C5: variants seen among roughly 807,000 people sequenced by gnomAD.
C5 encodes the protein complement C5, also known as C3 and PZP-like alpha-2-macroglobulin domain-containing protein 4.
In C5, 140 loss-of-function variants were observed where a neutral mutation model predicts 218.8. That is an observed-to-expected ratio of 0.64 (90% CI 0.56 to 0.74). The LOEUF (loss-of-function observed/expected upper bound fraction) is 0.74, where lower values mean the gene tolerates loss of function less well. Among genes scored for constraint, C5 ranks in the 30% least tolerant of loss-of-function variants. The pLI is 0.00. For missense variants in C5, 1,700 were observed against 1,969.6 expected (o/e 0.86, Z 2.59); for synonymous variants, 614 against 682.3 (o/e 0.90, Z 1.56).
chr9:120,982,014 T>TTTTG (rs1007704814), intron 26 of C5, 75 bp from the exon 27 acceptor site: 5 of 1,011,638 alleles, frequency 4.9e-6, no homozygotes, highest in East Asian at 2.5e-5. Context: ...CTACTCTGTT[T>TTTTG]TTTGTTTGTT....
rs1294965294 is a variant in C5 at position 121,032,200 on chromosome 9, G to A, written c.585-5C>T. ...TTGATCGTCCACATACCATATCTGT[G>A]GAAGCAAAATATTTAAAATTATAGA... On this transcript the variant is annotated splice_region_variant and splice_polypyrimidine_tract_variant and intron_variant, in intron 5 of 40. Transcript: ENST00000223642. 1.3e-6 allele frequency: 2 copies of A among 1,559,394 alleles called. No individual in the cohort carries two copies. Among genetic ancestry groups the A allele is most frequent in the East Asian group, 4.5e-5 (2 of 44,558 alleles).
intron 17 of C5, among the ~76,000 whole-genome samples, chr9:121,010,858 C>A: frequency 6.6e-6 from 1 of 152,098 alleles, no homozygotes; most frequent in African/African-American, 2.4e-5. Flanking sequence ...GACAAAGGTG[C>A]CAAGAACATA....
intron 8 of C5, 85 bp from the exon 9 acceptor site, chr9:121,025,665 A>G (rs918881663): frequency 1.4e-5 from 18 of 1,295,086 alleles, no homozygotes; most frequent in African/African-American, 2.9e-5. Flanking sequence ...ACTAACCTCT[A>G]AATTGAAGGT....
chr9:121,039,019 T>TA lies in C5; in HGVS notation c.422-1069dup, dbSNP rs150496850. Among the ~76,000 whole-genome samples the TA allele has an allele frequency of 6.6e-5, 10 of 152,294 alleles. No individual in the cohort carries two copies. In the East Asian group the frequency reaches 1.9e-3, roughly 29 times the overall value. ...AAGTTAAGAGCACAGGCCCTGGAAT[T>TA]AAACACTTTGGTTTCACTCCTGCCT... On this transcript the variant is annotated intron_variant, in intron 3 of 40. Transcript: ENST00000223642.
chr9:121,023,589 T>C, intron 9 of C5, 70 bp from the exon 10 acceptor site: 1 of 839,088 alleles, frequency 1.2e-6, no homozygotes, highest in Non-Finnish European at 2.1e-6. Context: ...ATCCATTTCA[T>C]CTCTATATGT....
At chr9:121,031,099 T>C (rs1438716044) in intron 6 of C5, among the ~76,000 whole-genome samples, 1 of 152,114 alleles carries the variant, frequency 6.6e-6, no homozygotes, top group Non-Finnish European at 1.5e-5. Context: ...TTCTTGTTAA[T>C]TGTTAAAATT....
chr9:120,989,481 T>C (rs2047059350), intron 24 of C5, 87 bp downstream of exon 24: 13 of 876,762 alleles, frequency 1.5e-5, no homozygotes, highest in Non-Finnish European at 2.3e-5. Flanking sequence ...TACAAAGTTT[T>C]CTATAATTCA....
the C5 span, among the ~76,000 whole-genome samples, chr9:121,062,380 T>A: frequency 1.0e-3 from 152 of 148,402 alleles, 1 homozygote; most frequent in Non-Finnish European, 1.9e-3. Flanking sequence ...TATTAATAAA[T>A]GCAGGACAAC....
At chr9:120,996,600 T>A (rs1318354652) in intron 21 of C5, among the ~76,000 whole-genome samples, 1 of 152,212 alleles carries the variant, frequency 6.6e-6, no homozygotes, top group Non-Finnish European at 1.5e-5. Flanking sequence ...CTGTTATTAC[T>A]CCCATTCGAC....
At chr9:120,978,044 C>A (rs544783702) in intron 28 of C5, among the ~76,000 whole-genome samples, 2 of 151,868 alleles carry the variant, frequency 1.3e-5, no homozygotes, top group Non-Finnish European at 2.9e-5. Flanking sequence ...ACTGGAGAAC[C>A]TTTTTCCTGA....
chr9:121,018,935 A>G (rs1455587536), intron 12 of C5, among the ~76,000 whole-genome samples: 1 of 152,164 alleles, frequency 6.6e-6, no homozygotes, highest in African/African-American at 2.4e-5. Context: ...CTCAGAAACT[A>G]AAAGTCATAC....
rs2046753772 is a variant in C5, at chr9:120,952,750, T to TA, written c.5019_5020insT (p.Asn1674Ter). 1.2e-6 allele frequency: 2 copies of TA among 1,613,046 alleles called. No individual in the cohort carries two copies. The highest frequency in any genetic ancestry group is 2.7e-5 in the African/African-American group (2 of 74,878). ...GAACTTCAGGAATTTTAGCATCCAT[T>TA]TAAAAAGATATCTTCGGCAAATTCA... On this transcript the variant is annotated frameshift_variant, in exon 41 of 41. Coordinates refer to ENST00000223642, the MANE Select transcript of C5 (RefSeq NM_001735.3). LOFTEE classifies it high-confidence loss of function.
At chr9:120,982,426 G>A (rs972555791) in intron 26 of C5, among the ~76,000 whole-genome samples, 2 of 152,088 alleles carry the variant, frequency 1.3e-5, no homozygotes, top group African/African-American at 4.8e-5. Context: ...CCTCCACCCC[G>A]TTAAACGAGA....
In C5 at chr9:120,952,746, C is replaced by T. The variant is rs1588160981; in HGVS notation, c.5024G>A (p.Gly1675Glu). Residue 1675 changes from glycine (G) to glutamate (E), a missense_variant, in exon 41 of 41, where the codon GGA becomes GAA. Transcript: ENST00000223642. The stretch of plus-strand genomic sequence containing the variant: ...AGCTGAACTTCAGGAATTTTAGCAT[C>T]CATTTAAAAAGATATCTTCGGCAAA... ...DEFAEDIFLN[G>E]C 1 of 1,612,758 alleles carries T rather than the reference C, an allele frequency of 6.2e-7. No individual in the cohort carries two copies. Among genetic ancestry groups the T allele is most frequent in the Non-Finnish European group, 8.5e-7 (1 of 1,179,536 alleles).
chr9:120,992,576 T>C (rs1376050517), intron 22 of C5, among the ~76,000 whole-genome samples: 1 of 152,214 alleles, frequency 6.6e-6, no homozygotes, highest in Admixed American at 6.5e-5. Flanking sequence ...CATTGAAACC[T>C]GCTCTTGACT....
intron 25 of C5, 112 bp from the exon 26 acceptor site, chr9:120,982,926 A>G: frequency 1.5e-6 from 1 of 659,708 alleles, no homozygotes; most frequent in Non-Finnish European, 2.5e-6. Context: ...AAAACATGCA[A>G]TTCCAAAGTA....
chr9:120,983,040 A>G (rs192317461), intron 25 of C5, among the ~76,000 whole-genome samples: 4 of 152,374 alleles, frequency 2.6e-5, no homozygotes, highest in Admixed American at 2.0e-4. Context: ...ATTGTCCGCT[A>G]GCACACAAGC....
In C5 at chr9:121,043,017, A is replaced by G; in HGVS notation, c.408T>C (p.Thr136=). The G allele has an allele frequency of 6.2e-7, 1 of 1,612,184 alleles. No homozygotes were observed. Among genetic ancestry groups the G allele is most frequent in the Non-Finnish European group, 8.5e-7 (1 of 1,178,472 alleles). The change falls in exon 3 of 41, where the codon ACT becomes ACC. Residue 136 remains threonine, a synonymous_variant. Coordinates refer to ENST00000223642, the MANE Select transcript of C5 (RefSeq NM_001735.3). The part of the protein sequence containing the change: ...LFIHTDKPVY[T]PDQSVKVRVY... Reference sequence around the variant, plus strand: ...CTTATAATCTACCTGACTGGTCTGGAGTATAAACAGGTTTGTCTGTATGAA... The same window carrying G: ...CTTATAATCTACCTGACTGGTCTGGGGTATAAACAGGTTTGTCTGTATGAA...
At chr9:120,960,386 A>G (rs2131666540) in intron 37 of C5, 49 bp from the exon 38 acceptor site, 1 of 1,242,870 alleles carries the variant, frequency 8.0e-7, no homozygotes, top group African/African-American at 1.5e-5. Context: ...AAAGAAGTAG[A>G]CACTCTTTCC....
Sources: gnomAD v4.1 joint callset for allele counts (sites outside exome capture counted in the v4.1 genomes callset) on GRCh38, gnomAD v4.1.1 for gene constraint, MANE v1.5 for transcripts, NCBI Gene and HGNC (gene_info 2026-07-23, HGNC 2026-07-21) for gene names.